Variants in GASK1B observed in about 807,000 individuals in gnomAD.
GASK1B encodes the protein golgi associated kinase 1B.
A neutral mutation model predicts 42.8 loss-of-function variants in GASK1B; 34 were observed. The observed-to-expected ratio is 0.79, with a 90% confidence interval of 0.60 to 1.06. GASK1B has a LOEUF of 1.06. GASK1B is among the 50% of genes least tolerant of loss of function. The pLI, the probability that GASK1B is intolerant of heterozygous loss-of-function variation, is 0.00. For synonymous variants in GASK1B, 262 were observed against 259.1 expected (o/e 1.01, Z -0.11); for missense variants, 686 against 661.0 (o/e 1.04, Z -0.42).
At chr4:158,144,639 C>T (rs897598590) in intron 3 of GASK1B, among the ~76,000 whole-genome samples, 4 of 152,038 alleles carry the variant, frequency 2.6e-5, no homozygotes, top group Non-Finnish European at 4.4e-5. Context: ...CAATAAAAAG[C>T]AGAAATACAT....
intron 3 of GASK1B, among the ~76,000 whole-genome samples, chr4:158,139,263 T>C (rs1171374759): frequency 6.6e-6 from 1 of 152,188 alleles, no homozygotes. Flanking sequence ...CTGGGTATTC[T>C]CTATAGCAAC....
chr4:158,127,316 G>T lies in GASK1B; in HGVS notation c.*91C>A. 1 of 1,065,568 alleles carries T rather than the reference G, an allele frequency of 9.4e-7. No individual in the cohort carries two copies. Among genetic ancestry groups the T allele is most frequent in the Non-Finnish European group, 1.4e-6 (1 of 716,466 alleles). The allele number at this position is 1,065,568 out of a possible 1,614,324, so 66.0% of individuals were successfully genotyped here. The stretch of plus-strand genomic sequence containing the variant: ...ACGTATTCATCTACACTGCCTCATT[G>T]CTAAACGGGCTTGAGGTTGATGTGC... On this transcript the variant is annotated 3_prime_UTR_variant, in exon 5 of 5. Coordinates refer to ENST00000585682, the MANE Select transcript of GASK1B (RefSeq NM_001128424.2).
intron 4 of GASK1B, among the ~76,000 whole-genome samples, chr4:158,129,379 A>G (rs1270041690): frequency 3.3e-5 from 5 of 152,192 alleles, no homozygotes; most frequent in Admixed American, 2.0e-4. Flanking sequence ...TCCTTAGCTT[A>G]AAAGAGAGAA....
In GASK1B at chr4:158,170,787, G is replaced by T; in HGVS notation, c.589C>A (p.Gln197Lys). Residue 197 changes from glutamine to lysine, a missense_variant, in exon 2 of 5, where the codon CAG (glutamine) becomes AAG (lysine). Physicochemically the swap from Gln to Lys is moderately conservative, Grantham distance 53. Coordinates refer to ENST00000585682, the MANE Select transcript of GASK1B (RefSeq NM_001128424.2). ...GVRAGGPDFL[Q>K]PSSRESNIRI... Reference sequence around the variant, plus strand: ...ATGTTGCTCTCCCTGGAGCTGGGCTGCAGGAAGTCTGGGCCCCCGGCTCGC... The same window carrying T: ...ATGTTGCTCTCCCTGGAGCTGGGCTTCAGGAAGTCTGGGCCCCCGGCTCGC... 3.1e-6 allele frequency: 5 copies of T among 1,614,216 alleles called. No homozygotes were observed. Among genetic ancestry groups the T allele is most frequent in the Non-Finnish European group, 4.2e-6 (5 of 1,180,020 alleles).
Position 158,155,617 on chromosome 4 carries a change from C to T in GASK1B, c.1119G>A (p.Leu373=). The change falls in exon 3 of 5, where the codon TTG becomes TTA. Residue 373 remains leucine, a synonymous_variant. Transcript: ENST00000585682. ...EWSKMALFDF[L]LQIYNRLDTN... The stretch of plus-strand genomic sequence containing the variant: ...CTTGATTTGATAAACTTACCTGTAA[C>T]AAAAAATCAAAGAGTGCCATCTTGG... The T allele has an allele frequency of 6.2e-7, 1 of 1,613,134 alleles. No individual in the cohort carries two copies. Among genetic ancestry groups the T allele is most frequent in the Non-Finnish European group, 8.5e-7 (1 of 1,179,360 alleles).
At chr4:158,145,663 T>C (rs1248595149) in intron 3 of GASK1B, among the ~76,000 whole-genome samples, 1 of 152,228 alleles carries the variant, frequency 6.6e-6, no homozygotes, top group African/African-American at 2.4e-5. Context: ...CTTTTAATTA[T>C]GGCACCTGCT....
intron 2 of GASK1B, chr4:158,170,150 A>G (rs1732411552): frequency 1.5e-6 from 2 of 1,363,876 alleles, no homozygotes; most frequent in African/African-American, 1.4e-5. Context: ...TCCTCTCCTC[A>G]TCATGCAAAT....
Position 158,125,863 on chromosome 4 carries a change from T to C in GASK1B, c.*1544A>G, listed in dbSNP as rs1027658574. The C allele has an allele frequency of 3.9e-5, 6 of 152,152 alleles. No homozygotes were observed. The highest frequency in any genetic ancestry group is 1.3e-4 in the Admixed American group (2 of 15,258). The allele number at this position is 152,152 out of a possible 1,614,324, so 9.4% of individuals were successfully genotyped here. On this transcript the variant is annotated 3_prime_UTR_variant, in exon 5 of 5. Coordinates refer to ENST00000585682, the MANE Select transcript of GASK1B (RefSeq NM_001128424.2). ...TTATACTTAAAACATTATTTTGACATTTTGTTCTACAATTGTATCAATTAG... is the reference window on the plus strand; with the variant it reads ...TTATACTTAAAACATTATTTTGACACTTTGTTCTACAATTGTATCAATTAG...
chr4:158,127,385 C>A lies in GASK1B; in HGVS notation c.*22G>T, dbSNP rs371939105. The A allele has an allele frequency of 6.2e-7, 1 of 1,602,428 alleles. No homozygotes were observed. Among genetic ancestry groups the A allele is most frequent in the Non-Finnish European group, 8.5e-7 (1 of 1,171,582 alleles). On this transcript the variant is annotated 3_prime_UTR_variant, in exon 5 of 5. Coordinates refer to ENST00000585682, the MANE Select transcript of GASK1B (RefSeq NM_001128424.2). ...CAAAAATGCATAAATATATCTAACA[C>A]CCTAGCCAGAAGATTCTTTTGTCAT...
At chr4:158,145,255 G>C (rs772913233) in intron 3 of GASK1B, among the ~76,000 whole-genome samples, 1 of 152,150 alleles carries the variant, frequency 6.6e-6, no homozygotes, top group Non-Finnish European at 1.5e-5. Flanking sequence ...GAGAAAGCAG[G>C]ACAAAGATGA....
intron 3 of GASK1B, among the ~76,000 whole-genome samples, chr4:158,141,028 A>T (rs1470512340): frequency 6.6e-6 from 1 of 152,174 alleles, no homozygotes; most frequent in Non-Finnish European, 1.5e-5. Flanking sequence ...TTGATCAGAC[A>T]TTTCCTTCTT....
rs1732472143 is a variant in GASK1B, at chr4:158,170,791, G to A, written c.585C>T (p.Phe195=). The change falls in exon 2 of 5, where the codon TTC becomes TTT. Residue 195 remains phenylalanine (F), a synonymous_variant. Transcript: ENST00000585682. ...TGCTCTCCCTGGAGCTGGGCTGCAG[G>A]AAGTCTGGGCCCCCGGCTCGCACTC... ...GPGVRAGGPD[F]LQPSSRESNI... is the part of the protein sequence containing the mutation. The A allele has an allele frequency of 6.2e-7, 1 of 1,614,104 alleles. No homozygotes were observed. Among genetic ancestry groups the A allele is most frequent in the Admixed American group, 1.7e-5 (1 of 60,012 alleles).
At chr4:158,170,372 G>A in intron 2 of GASK1B, 94 bp downstream of exon 2, 1 of 1,614,064 alleles carries the variant, frequency 6.2e-7, no homozygotes, top group Non-Finnish European at 8.5e-7. Context: ...ACCGTGGGTG[G>A]AGAAAAATCA....
At chr4:158,150,745 T>C (rs763224415) in intron 3 of GASK1B, among the ~76,000 whole-genome samples, 3 of 152,194 alleles carry the variant, frequency 2.0e-5, no homozygotes, top group Non-Finnish European at 2.9e-5. Context: ...TATATAATGC[T>C]TAAAACCAGT....
At chr4:158,135,809 C>T (rs1177913036) in intron 3 of GASK1B, among the ~76,000 whole-genome samples, 2 of 152,056 alleles carry the variant, frequency 1.3e-5, no homozygotes, top group Non-Finnish European at 2.9e-5. Context: ...GAGAAAAGCT[C>T]ATGAAGGAGA....
intron 2 of GASK1B, chr4:158,170,169 G>A (rs780457171): frequency 1.3e-6 from 2 of 1,517,130 alleles, no homozygotes; most frequent in Non-Finnish European, 1.8e-6. Flanking sequence ...ATTGCCGTTG[G>A]CTTTAATTAG....
chr4:158,157,229 G>T (rs939348053), intron 2 of GASK1B, among the ~76,000 whole-genome samples: 1 of 152,018 alleles, frequency 6.6e-6, no homozygotes, highest in Non-Finnish European at 1.5e-5. Flanking sequence ...AAGTCTATTG[G>T]ATTATGGAAA....
At chr4:158,133,909 G>A (rs546143094) in intron 3 of GASK1B, among the ~76,000 whole-genome samples, 92 of 152,068 alleles carry the variant, frequency 6.0e-4, no homozygotes, top group African/African-American at 2.1e-3. Flanking sequence ...GTGTGTGTGT[G>A]TGTGTGTGCG....
At chr4:158,129,735 G>A (rs1351269838) in intron 4 of GASK1B, among the ~76,000 whole-genome samples, 1 of 152,086 alleles carries the variant, frequency 6.6e-6, no homozygotes. Context: ...GAGGTTTCCA[G>A]CAGTCACCTA....
Sources: allele counts gnomAD v4.1 joint callset (sites outside exome capture counted in the v4.1 genomes callset), GRCh38; gene constraint gnomAD v4.1.1; transcripts MANE v1.5; gene names NCBI Gene and HGNC (gene_info 2026-07-23, HGNC 2026-07-21).